RAD51B: variants seen among roughly 807,000 people sequenced by gnomAD.
RAD51B encodes the protein RAD51 paralog B.
Under a neutral mutation model 42.2 loss-of-function variants are expected in RAD51B, and 38 were observed. That is an observed-to-expected ratio of 0.90 (90% CI 0.70 to 1.18). The LOEUF is 1.18. RAD51B is among the 50% of genes most tolerant of loss of function. RAD51B has a pLI of 0.00. For synonymous variants in RAD51B, 154 were observed against 145.2 expected, an observed-to-expected ratio of 1.06 and a Z score of -0.43; for missense variants, 373 against 400.7, an observed-to-expected ratio of 0.93 and a Z score of 0.59.
At chr14:67,863,349 A>G (rs1174900061) in intron 4 of RAD51B, among the ~76,000 whole-genome samples, 2 of 152,080 alleles carry the variant, frequency 1.3e-5, no homozygotes, top group African/African-American at 2.4e-5. Flanking sequence ...TTCTCAAAGT[A>G]TATAATAACA....
intron 10 of RAD51B, among the ~76,000 whole-genome samples, chr14:68,489,894 G>A (rs1175267912): frequency 6.6e-6 from 1 of 152,138 alleles, no homozygotes; most frequent in Non-Finnish European, 1.5e-5. Flanking sequence ...CCCTTATCTA[G>A]ATTTCCTAAT....
At chr14:68,425,218 G>C (rs2084803759) in intron 9 of RAD51B, among the ~76,000 whole-genome samples, 1 of 152,188 alleles carries the variant, frequency 6.6e-6, no homozygotes, top group Non-Finnish European at 1.5e-5. Context: ...GACTGCCATA[G>C]CAGTCAATAT....
At chr14:68,631,028 T>C (rs965788562) in intron 10 of RAD51B, among the ~76,000 whole-genome samples, 11 of 152,338 alleles carry the variant, frequency 7.2e-5, no homozygotes, top group Non-Finnish European at 1.5e-4. Context: ...AGAGCTCATA[T>C]AATTGAGGCA....
Position 68,637,544 on chromosome 14 carries a change from G to C in RAD51B, c.1037-13237G>C, listed in dbSNP as rs181249631. On this transcript the variant is annotated intron_variant, in intron 10 of 11. Coordinates refer to the RAD51B transcript ENST00000488612. ...TTTGTATGTGATTCCCCTAGTAATG[G>C]GGAGACGGAGAAGAATTTGCAGAAG... is the stretch of plus-strand genomic sequence containing the variant. Among the ~76,000 whole-genome samples the C allele has an allele frequency of 5.3e-5, 8 of 152,310 alleles. No individual in the cohort carries two copies. In the East Asian group the frequency reaches 1.3e-3, roughly 26 times the overall value.
At chr14:68,017,954 A>T (rs2075803723) in intron 7 of RAD51B, among the ~76,000 whole-genome samples, 1 of 150,454 alleles carries the variant, frequency 6.6e-6, no homozygotes, top group African/African-American at 2.5e-5. Context: ...CTAGTGACAG[A>T]GCAAGACTCC....
intron 7 of RAD51B, among the ~76,000 whole-genome samples, chr14:68,098,843 G>A (rs1394269643): frequency 6.6e-6 from 1 of 152,222 alleles, no homozygotes; most frequent in Non-Finnish European, 1.5e-5. Flanking sequence ...TAAAGAGGGA[G>A]CCTTTGAGCA....
At chr14:68,370,243 A>C (rs1166636685) in intron 8 of RAD51B, among the ~76,000 whole-genome samples, 1 of 152,254 alleles carries the variant, frequency 6.6e-6, no homozygotes, top group Non-Finnish European at 1.5e-5. Flanking sequence ...ACATATAGCC[A>C]TTGGCAGAAA....
chr14:68,024,567 G>A (rs1455437448), intron 7 of RAD51B, among the ~76,000 whole-genome samples: 2 of 152,018 alleles, frequency 1.3e-5, no homozygotes, highest in African/African-American at 4.8e-5. Context: ...TTGGTTTGAT[G>A]TATTCTTAGG....
intron 9 of RAD51B, among the ~76,000 whole-genome samples, chr14:68,422,941 T>C (rs1164107433): frequency 6.6e-6 from 1 of 152,194 alleles, no homozygotes; most frequent in African/African-American, 2.4e-5. Flanking sequence ...CTTAGAATGC[T>C]TGAAGCCGAG....
chr14:68,172,917 C>G (rs917906336), intron 7 of RAD51B, among the ~76,000 whole-genome samples: 37 of 152,164 alleles, frequency 2.4e-4, no homozygotes, highest in Admixed American at 2.2e-3. Context: ...TCCAAGGTCT[C>G]TTATTATTGA....
intron 8 of RAD51B, among the ~76,000 whole-genome samples, chr14:68,351,589 T>C (rs769325663): frequency 2.0e-5 from 3 of 151,758 alleles, no homozygotes; most frequent in Non-Finnish European, 2.9e-5. Flanking sequence ...TACAGGAGAG[T>C]GGAACATACT....
intron 10 of RAD51B, among the ~76,000 whole-genome samples, chr14:68,620,638 GTTAA>G (rs1891926172): frequency 6.6e-6 from 1 of 152,202 alleles, no homozygotes; most frequent in African/African-American, 2.4e-5. Context: ...ATTTGCTATT[GTTAA>G]TTAATACCCC....
At chr14:68,083,722 A>C (rs1176283003) in intron 7 of RAD51B, among the ~76,000 whole-genome samples, 1 of 152,230 alleles carries the variant, frequency 6.6e-6, no homozygotes, top group Non-Finnish European at 1.5e-5. Context: ...CCATTCATGC[A>C]AGTAAATCAT....
chr14:68,138,878 T>G (rs2078064846), intron 7 of RAD51B, among the ~76,000 whole-genome samples: 1 of 152,188 alleles, frequency 6.6e-6, no homozygotes. Context: ...GAATGGTTCT[T>G]TTAGTATTTT....
intron 3 of RAD51B, among the ~76,000 whole-genome samples, chr14:67,827,244 A>G (rs1232351272): frequency 6.6e-6 from 1 of 152,218 alleles, no homozygotes; most frequent in African/African-American, 2.4e-5. Context: ...TTAATTTGTC[A>G]TCTGTCATTC....
chr14:67,833,141 C>T (rs149932817), intron 3 of RAD51B, among the ~76,000 whole-genome samples: 3,842 of 152,136 alleles, frequency 0.025, 63 homozygotes, highest in Middle Eastern at 0.041. Flanking sequence ...TTTGGGAGGC[C>T]GAAGTGGTCA....
chr14:68,264,408 T>A (rs2080947282), intron 7 of RAD51B, among the ~76,000 whole-genome samples: 1 of 152,236 alleles, frequency 6.6e-6, no homozygotes, highest in Non-Finnish European at 1.5e-5. Context: ...GGCTTGGTGA[T>A]AGAATTTACC....
At chr14:68,362,339 A>C (rs937156980) in intron 8 of RAD51B, among the ~76,000 whole-genome samples, 1 of 152,246 alleles carries the variant, frequency 6.6e-6, no homozygotes, top group African/African-American at 2.4e-5. Flanking sequence ...ATTACTATGC[A>C]TCAAGCCATT....
chr14:68,022,396 G>C (rs1006188192), intron 7 of RAD51B, among the ~76,000 whole-genome samples: 1 of 152,162 alleles, frequency 6.6e-6, no homozygotes, highest in African/African-American at 2.4e-5. Context: ...ATGAACATAT[G>C]AGTGCCTGTG....
Sources: allele counts gnomAD v4.1 joint callset (sites outside exome capture counted in the v4.1 genomes callset), GRCh38; gene constraint gnomAD v4.1.1; transcripts MANE v1.5; gene names NCBI Gene and HGNC (gene_info 2026-07-23, HGNC 2026-07-21).